Variants in PALLD observed in about 807,000 individuals in gnomAD.
PALLD encodes the protein palladin, cytoskeletal associated protein.
PALLD carries 61 observed loss-of-function variants against 123.5 expected under a neutral mutation model. The observed-to-expected ratio is 0.49, with a 90% CI of 0.40 to 0.61. PALLD has a LOEUF of 0.61. Among genes scored for constraint, PALLD ranks in the 20% least tolerant of loss-of-function variants. PALLD has a pLI of 0.00. For synonymous variants in PALLD, 465 were observed against 496.4 expected, an observed-to-expected ratio of 0.94 and a Z score of 0.84; for missense variants, 1,273 against 1,377.0, an observed-to-expected ratio of 0.92 and a Z score of 1.20.
At chr4:168,509,918 TCGAC>T (rs1762376347) in intron 1 of PALLD, among the ~76,000 whole-genome samples, 1 of 152,200 alleles carries the variant, frequency 6.6e-6, no homozygotes, top group Non-Finnish European at 1.5e-5. Context: ...TACAACCCCC[TCGAC>T]TCTTGCATAA....
chr4:168,781,896 G>C (rs756271770), intron 10 of PALLD, among the ~76,000 whole-genome samples: 2 of 151,942 alleles, frequency 1.3e-5, no homozygotes, highest in Non-Finnish European at 2.9e-5. Context: ...TTATTGCTTG[G>C]GCATAGTGAG....
intron 10 of PALLD, among the ~76,000 whole-genome samples, chr4:168,719,292 C>G (rs976562041): frequency 2.3e-5 from 3 of 129,046 alleles, no homozygotes; most frequent in African/African-American, 9.1e-5. Flanking sequence ...AATTCTCGCT[C>G]TGTCACCCAG....
Position 168,927,073 on chromosome 4 carries a change from C to CTAAT in PALLD, c.*895_*898dup, listed in dbSNP as rs1390890351. ...CTTATTTACAAACCATATTAAAAGG[C>CTAAT]TAATTTAAATATAAATAATATAAAG... On this transcript the variant is annotated 3_prime_UTR_variant, in exon 22 of 22. Coordinates refer to ENST00000505667, the MANE Select transcript of PALLD (RefSeq NM_001166108.2). 4 of 220,326 alleles carry CTAAT rather than the reference C, an allele frequency of 1.8e-5. No homozygotes were observed. The highest frequency in any genetic ancestry group is 3.6e-5 in the Non-Finnish European group (4 of 109,722). The allele number at this position is 220,326 out of a possible 1,614,324, so 13.6% of individuals were successfully genotyped here.
At chr4:168,694,048 T>C (rs530445800) in intron 8 of PALLD, among the ~76,000 whole-genome samples, 1 of 152,326 alleles carries the variant, frequency 6.6e-6, no homozygotes, top group African/African-American at 2.4e-5. Context: ...TGCCAAGTGT[T>C]TTCCTTACAT....
At chr4:168,676,302 T>C (rs908010126) in intron 3 of PALLD, among the ~76,000 whole-genome samples, 2 of 152,048 alleles carry the variant, frequency 1.3e-5, no homozygotes, top group Admixed American at 1.3e-4. Context: ...TCACTGACAT[T>C]GCTTCGGTTA....
chr4:168,825,928 T>C (rs1743358926), intron 10 of PALLD, among the ~76,000 whole-genome samples: 1 of 152,204 alleles, frequency 6.6e-6, no homozygotes, highest in Non-Finnish European at 1.5e-5. Flanking sequence ...GCCACTGGGA[T>C]TAACGTAAAA....
chr4:168,804,426 G>T (rs1473219811), intron 10 of PALLD, among the ~76,000 whole-genome samples: 1 of 150,884 alleles, frequency 6.6e-6, no homozygotes, highest in Admixed American at 6.7e-5. Flanking sequence ...GCCTATTATT[G>T]TTCAATACAT....
chr4:168,924,840 T>C, intron 19 of PALLD, 105 bp from the exon 20 acceptor site: 2 of 1,122,230 alleles, frequency 1.8e-6, no homozygotes, highest in Non-Finnish European at 1.4e-6. Flanking sequence ...TATTATCAGC[T>C]ACTTGCACAA....
intron 12 of PALLD, among the ~76,000 whole-genome samples, chr4:168,896,082 C>T (rs934860197): frequency 2.6e-5 from 4 of 151,960 alleles, no homozygotes; most frequent in Non-Finnish European, 4.4e-5. Flanking sequence ...TGGTGGCGTG[C>T]GCCTGTAGTC....
intron 1 of PALLD, among the ~76,000 whole-genome samples, chr4:168,500,337 A>C (rs2149390559): frequency 6.6e-6 from 1 of 152,146 alleles, no homozygotes; most frequent in South Asian, 2.1e-4. Context: ...ATTCATGGGG[A>C]TCATGCCAGG....
At chr4:168,923,551 C>G (rs145972440) in intron 18 of PALLD, among the ~76,000 whole-genome samples, 4 of 151,754 alleles carry the variant, frequency 2.6e-5, no homozygotes, top group African/African-American at 9.7e-5. Context: ...TATTAACAAT[C>G]AGTCCTGAAT....
intron 2 of PALLD, among the ~76,000 whole-genome samples, chr4:168,560,456 A>G (rs1254497357): frequency 6.6e-6 from 1 of 152,254 alleles, no homozygotes; most frequent in Middle Eastern, 3.2e-3. Context: ...AGGTTCACAC[A>G]TAATTTGAAC....
intron 2 of PALLD, among the ~76,000 whole-genome samples, chr4:168,518,883 C>T (rs951145532): frequency 1.3e-5 from 2 of 152,154 alleles, no homozygotes; most frequent in Non-Finnish European, 2.9e-5. Flanking sequence ...TGGCATGTAA[C>T]AGGTGCTCAA....
At chr4:168,814,534 G>T (rs1008566624) in intron 10 of PALLD, among the ~76,000 whole-genome samples, 2 of 152,114 alleles carry the variant, frequency 1.3e-5, no homozygotes, top group Non-Finnish European at 2.9e-5. Context: ...GGAAAATAAG[G>T]TTCATAGGAC....
rs75614681 is a variant in PALLD, at chr4:168,815,819, T to C, written c.1965-75103T>C. Among the ~76,000 whole-genome samples, 695 of 152,340 alleles carry C rather than the reference T, an allele frequency of 4.6e-3. 4 individuals are homozygous for C. Among genetic ancestry groups the C allele is most frequent in the East Asian group, 0.033 (171 of 5,182 alleles). On this transcript the variant is annotated intron_variant, in intron 10 of 21. Coordinates refer to ENST00000505667, the MANE Select transcript of PALLD (RefSeq NM_001166108.2). ...GGATATCCTGTATGTTTAGATTACT[T>C]GCCTCTGAAAACGAGCTCCAATTCT...
chr4:168,670,739 C>CAAAAAAACA (rs1425850070), intron 3 of PALLD, among the ~76,000 whole-genome samples: 4 of 45,060 alleles, frequency 8.9e-5, no homozygotes, highest in Admixed American at 2.7e-4. Flanking sequence ...GACTCCGTCT[C>CAAAAAAACA]AAAAAAACAA....
rs551525819 is a variant in PALLD at position 168,790,075 on chromosome 4, G to A, written c.1964+78152G>A. 1.5e-4 allele frequency among the ~76,000 whole-genome samples: 23 copies of A among 151,972 alleles called. 1 individual carries two copies. The East Asian group carries it at 1.9e-3, about 13-fold the overall frequency. Reference sequence around the variant, plus strand: ...CTGCCTCTCTGGCCTGCCTCTCTCCGGTTTTGTGTAGGGCAGCAGGAGGCC... The same window carrying A: ...CTGCCTCTCTGGCCTGCCTCTCTCCAGTTTTGTGTAGGGCAGCAGGAGGCC... On this transcript the variant is annotated intron_variant, in intron 10 of 21. Transcript: ENST00000505667.
intron 10 of PALLD, among the ~76,000 whole-genome samples, chr4:168,761,109 C>T (rs1732763487): frequency 6.6e-6 from 1 of 152,194 alleles, no homozygotes; most frequent in South Asian, 2.1e-4. Flanking sequence ...CTCTGTTGTT[C>T]TTTCCTTCTT....
chr4:168,667,773 A>C (rs758891693), intron 2 of PALLD, among the ~76,000 whole-genome samples: 2 of 152,220 alleles, frequency 1.3e-5, no homozygotes, highest in Non-Finnish European at 2.9e-5. Flanking sequence ...CATGATGATA[A>C]GTTTCTTTTC....
Sources: allele counts gnomAD v4.1 joint callset (sites outside exome capture counted in the v4.1 genomes callset), GRCh38; gene constraint gnomAD v4.1.1; transcripts MANE v1.5; gene names NCBI Gene and HGNC (gene_info 2026-07-23, HGNC 2026-07-21).